The following TRPC4 variants were observed in gnomAD, a reference collection of about 807,000 sequenced individuals.
TRPC4 encodes the protein short transient receptor potential channel 4.
In TRPC4, 49 loss-of-function variants were observed where a neutral mutation model predicts 99.4. The ratio of observed to expected loss-of-function variants is 0.49; its 90% CI spans 0.39 to 0.63. The LOEUF (loss-of-function observed/expected upper bound fraction) is 0.63, where lower values mean the gene tolerates loss of function less well. Among genes scored for constraint, TRPC4 ranks in the 20% least tolerant of loss-of-function variants. The pLI is 0.00. For synonymous variants in TRPC4, 454 were observed against 425.9 expected (o/e 1.07, Z -0.81); for missense variants, 898 against 1,152.9 (o/e 0.78, Z 3.20).
At chr13:37,849,959 AT>A (rs1299106528) in intron 1 of TRPC4, among the ~76,000 whole-genome samples, 3 of 152,240 alleles carry the variant, frequency 2.0e-5, no homozygotes, top group African/African-American at 7.2e-5. Context: ...ACTACCCGAT[AT>A]ATTAACCATA....
chr13:37,671,694 T>G (rs576766337), intron 5 of TRPC4, among the ~76,000 whole-genome samples: 1 of 152,180 alleles, frequency 6.6e-6, no homozygotes, highest in Non-Finnish European at 1.5e-5. Flanking sequence ...TTTTTCTTAT[T>G]TTATGGATGA....
At chr13:37,774,077 GTA>G (rs1348622288) in intron 2 of TRPC4, among the ~76,000 whole-genome samples, 2 of 151,734 alleles carry the variant, frequency 1.3e-5, no homozygotes, top group Non-Finnish European at 2.9e-5. Flanking sequence ...TCAAATGAAT[GTA>G]TATAATTTCC....
chr13:37,708,465 T>C (rs144200264), intron 3 of TRPC4, among the ~76,000 whole-genome samples: 1 of 152,140 alleles, frequency 6.6e-6, no homozygotes, highest in East Asian at 1.9e-4. Flanking sequence ...CCCAAAACAT[T>C]GTTGAAAGTT....
intron 2 of TRPC4, among the ~76,000 whole-genome samples, chr13:37,779,532 C>A (rs1956785840): frequency 6.6e-6 from 1 of 151,856 alleles, no homozygotes; most frequent in African/African-American, 2.4e-5. Flanking sequence ...GAAAGACCTG[C>A]ATCTTTTCAT....
chr13:37,809,909 C>CA (rs1957627815), intron 1 of TRPC4, among the ~76,000 whole-genome samples: 1 of 151,982 alleles, frequency 6.6e-6, no homozygotes, highest in Admixed American at 6.6e-5. Context: ...ATATTCAGGG[C>CA]TATATCAATT....
chr13:37,832,478 G>C (rs1958449962), intron 1 of TRPC4, among the ~76,000 whole-genome samples: 1 of 152,104 alleles, frequency 6.6e-6, no homozygotes, highest in South Asian at 2.1e-4. Context: ...GACAGAGGTT[G>C]CAGTGAGCTG....
intron 1 of TRPC4, among the ~76,000 whole-genome samples, chr13:37,819,545 T>C (rs1957956050): frequency 6.6e-6 from 1 of 151,988 alleles, no homozygotes; most frequent in Non-Finnish European, 1.5e-5. Context: ...CTGGAGGCCA[T>C]TATCTTTAGC....
chr13:37,709,647 C>T (rs1037454246), intron 3 of TRPC4, among the ~76,000 whole-genome samples: 6 of 151,954 alleles, frequency 3.9e-5, no homozygotes, highest in African/African-American at 1.4e-4. Context: ...CAGTGGCTCT[C>T]ATTCTGAAAA....
At chr13:37,695,539 C>T (rs10507457) in intron 3 of TRPC4, among the ~76,000 whole-genome samples, 7,840 of 152,268 alleles carry the variant, frequency 0.051, 280 homozygotes, top group East Asian at 0.18. Context: ...CAATTCATTA[C>T]AGCCGTTCTT....
chr13:37,853,593 C>T (rs2139685802), intron 1 of TRPC4, among the ~76,000 whole-genome samples: 1 of 152,018 alleles, frequency 6.6e-6, no homozygotes, highest in East Asian at 1.9e-4. Flanking sequence ...TCACTGGGGA[C>T]CAATCTTGGA....
In TRPC4 at chr13:37,796,974, T is replaced by TAAAATA. The variant is rs1593765301; in HGVS notation, c.-27-13615_-27-13614insTATTTT. Reference sequence around the variant, plus strand: ...TAAAATAAAATAAAATAAAATAAAGTAAAGTAAAGTAAAGTAAAGTAAAGT... The same window carrying TAAAATA: ...TAAAATAAAATAAAATAAAATAAAGTAAAATAAAAGTAAAGTAAAGTAAAGTAAAGT... On this transcript the variant is annotated intron_variant, in intron 1 of 10. Coordinates refer to ENST00000379705, the MANE Select transcript of TRPC4 (RefSeq NM_016179.4). Among the ~76,000 whole-genome samples, 7 of 144,520 alleles carry TAAAATA rather than the reference T, an allele frequency of 4.8e-5. No individual in the cohort carries two copies. In the East Asian group the frequency reaches 1.2e-3, roughly 25 times the overall value. The allele number at this position is 144,520 out of a possible 152,430, so 94.8% of individuals were successfully genotyped here.
intron 3 of TRPC4, among the ~76,000 whole-genome samples, chr13:37,708,527 T>C (rs1029726558): frequency 1.3e-5 from 2 of 151,904 alleles, no homozygotes; most frequent in Admixed American, 1.3e-4. Context: ...GACAATGATA[T>C]ATATTCTTGG....
intron 8 of TRPC4, among the ~76,000 whole-genome samples, chr13:37,643,375 T>A (rs951754765): frequency 4.6e-5 from 7 of 152,128 alleles, no homozygotes; most frequent in Admixed American, 1.3e-4. Context: ...AGACTACACA[T>A]GAAGGCAAAT....
chr13:37,744,106 G>C (rs1955671988), intron 3 of TRPC4, among the ~76,000 whole-genome samples: 1 of 152,126 alleles, frequency 6.6e-6, no homozygotes, highest in Non-Finnish European at 1.5e-5. Context: ...ACAGTGAACA[G>C]CTATGGCATA....
rs369562161 is a variant in TRPC4, at chr13:37,663,696, T to C, written c.1408A>G (p.Met470Val). ...SALNPRESWD[M>V]WHPTLVAEAL... Reference sequence around the variant, plus strand: ...TCTGCCACCAGAGTGGGATGCCACATGTCCCATGATTCTCGTGGATTAAGG... The same window carrying C: ...TCTGCCACCAGAGTGGGATGCCACACGTCCCATGATTCTCGTGGATTAAGG... The change falls in exon 6 of 11, where the codon ATG (methionine) becomes GTG (valine). Residue 470 changes from methionine to valine, a missense_variant. By Grantham distance (21) the Met-to-Val change is conservative (BLOSUM62 1). Transcript: ENST00000379705. The C allele has an allele frequency of 6.2e-7, 1 of 1,613,920 alleles. No individual in the cohort carries two copies. The highest frequency in any genetic ancestry group is 8.5e-7 in the Non-Finnish European group (1 of 1,179,972).
At chr13:37,750,138 G>A (rs757775052) in intron 2 of TRPC4, among the ~76,000 whole-genome samples, 1 of 27,730 alleles carries the variant, frequency 3.6e-5, no homozygotes, top group Non-Finnish European at 1.1e-4. Flanking sequence ...TTAGCTCTTT[G>A]AAATATATTC....
chr13:37,700,477 T>G (rs1215848225), intron 3 of TRPC4, among the ~76,000 whole-genome samples: 1 of 152,178 alleles, frequency 6.6e-6, no homozygotes, highest in African/African-American at 2.4e-5. Flanking sequence ...GAATGAACAC[T>G]GCTCTACTAT....
At chr13:37,703,484 T>G (rs181888755) in intron 3 of TRPC4, among the ~76,000 whole-genome samples, 2 of 152,034 alleles carry the variant, frequency 1.3e-5, no homozygotes, top group Admixed American at 1.3e-4. Flanking sequence ...AATATAATAA[T>G]GAGGAAACAA....
At chr13:37,828,143 C>T (rs953244369) in intron 1 of TRPC4, among the ~76,000 whole-genome samples, 6 of 152,140 alleles carry the variant, frequency 3.9e-5, no homozygotes, top group South Asian at 2.1e-4. Flanking sequence ...GCGCATGGTG[C>T]GAGCACCCAC....
Sources: gnomAD v4.1 joint callset for allele counts (sites outside exome capture counted in the v4.1 genomes callset) on GRCh38, gnomAD v4.1.1 for gene constraint, MANE v1.5 for transcripts, NCBI Gene and HGNC (gene_info 2026-07-23, HGNC 2026-07-21) for gene names.